BACH2: variants seen among roughly 807,000 people sequenced by gnomAD.
BACH2 encodes the protein transcription regulator protein BACH2.
In BACH2, 5 loss-of-function variants were observed where a neutral mutation model predicts 61.8. That is an observed-to-expected ratio of 0.08 (90% CI 0.04 to 0.17). The LOEUF is 0.17. Among genes scored for constraint, BACH2 ranks in the 10% least tolerant of loss-of-function variants. The pLI is 1.00. For missense variants in BACH2, 824 were observed against 1,091.1 expected (o/e 0.76, Z 3.45); for synonymous variants, 446 against 440.1 (o/e 1.01, Z -0.17).
intron 6 of BACH2, among the ~76,000 whole-genome samples, chr6:90,001,740 C>T (rs1006193743): frequency 1.3e-5 from 2 of 152,152 alleles, no homozygotes; most frequent in African/African-American, 4.8e-5. Context: ...CCTCACATTT[C>T]ATCAGCTAGA....
intron 6 of BACH2, among the ~76,000 whole-genome samples, chr6:89,983,043 C>T (rs1398036640): frequency 6.6e-6 from 1 of 152,220 alleles, no homozygotes; most frequent in Non-Finnish European, 1.5e-5. Flanking sequence ...CACCCAGTTT[C>T]ATTGGTTCCC....
intron 1 of BACH2, among the ~76,000 whole-genome samples, chr6:90,277,658 A>G (rs931752440): frequency 1.3e-5 from 2 of 152,246 alleles, no homozygotes; most frequent in Non-Finnish European, 2.9e-5. Flanking sequence ...AAAAAGAAAT[A>G]AAATTAATCA....
At chr6:90,168,145 G>T (rs1767692617) in intron 4 of BACH2, among the ~76,000 whole-genome samples, 1 of 152,164 alleles carries the variant, frequency 6.6e-6, no homozygotes, top group African/African-American at 2.4e-5. Context: ...AATCACTTGA[G>T]CCCAGGAGTT....
At chr6:90,107,175 C>A (rs1357557501) in intron 4 of BACH2, among the ~76,000 whole-genome samples, 3 of 152,072 alleles carry the variant, frequency 2.0e-5, no homozygotes, top group Non-Finnish European at 4.4e-5. Context: ...AGATCAAGAC[C>A]ATCCTGGCCA....
intron 1 of BACH2, among the ~76,000 whole-genome samples, chr6:90,275,092 A>G (rs949109302): frequency 2.6e-5 from 4 of 152,260 alleles, no homozygotes; most frequent in Admixed American, 1.3e-4. Flanking sequence ...GATTTTGTTG[A>G]TGAATGCAAT....
In BACH2 at chr6:89,959,097, G is replaced by GCACACA. The variant is rs60175244; in HGVS notation, c.244-7241_244-7236dup. 9.0e-3 allele frequency among the ~76,000 whole-genome samples: 1,207 copies of GCACACA among 134,408 alleles called. 18 individuals carry two copies. Among genetic ancestry groups the GCACACA allele is most frequent in the East Asian group, 0.032 (136 of 4,280 alleles). The allele number at this position is 134,408 out of a possible 152,430, so 88.2% of individuals were successfully genotyped here. A position where few individuals can be genotyped will look rare whatever the true frequency, so the allele number is the denominator to read the frequency against. ...GTCAATAACACATGCATGCACAAGT[G>GCACACA]CACACACACACACACACACACACAC... On this transcript the variant is annotated intron_variant, in intron 6 of 8. Coordinates refer to ENST00000257749, the MANE Select transcript of BACH2 (RefSeq NM_021813.4).
intron 5 of BACH2, among the ~76,000 whole-genome samples, chr6:90,054,930 A>C (rs1331799341): frequency 6.6e-6 from 1 of 152,246 alleles, no homozygotes; most frequent in African/African-American, 2.4e-5. Flanking sequence ...TTAGAAGGAA[A>C]ACTAACAAAC....
At chr6:90,227,532 T>C (rs1029412992) in intron 3 of BACH2, among the ~76,000 whole-genome samples, 2 of 152,232 alleles carry the variant, frequency 1.3e-5, no homozygotes, top group African/African-American at 4.8e-5. Context: ...GCCCCCTGCC[T>C]GCTCTGACCC....
rs191954997 is a variant in BACH2 at position 90,221,170 on chromosome 6, T to C, written c.-274-14489A>G. ...AAATCTTCAATCAAACAAAATCTTA[T>C]ATGAAATCCCTATAAGCAAGATAGG... On this transcript the variant is annotated intron_variant, in intron 3 of 8. Transcript: ENST00000257749. 7.6e-3 allele frequency among the ~76,000 whole-genome samples: 1,154 copies of C among 152,356 alleles called. 2 individuals are homozygous for C. The highest frequency in any genetic ancestry group is 0.013 in the Non-Finnish European group (918 of 68,034).
chr6:90,101,337 C>G (rs1782618030), intron 4 of BACH2, among the ~76,000 whole-genome samples: 1 of 152,068 alleles, frequency 6.6e-6, no homozygotes, highest in Non-Finnish European at 1.5e-5. Flanking sequence ...AAAAATGTAT[C>G]CCTATATTTT....
At chr6:90,013,568 G>A (rs1320504096) in intron 5 of BACH2, among the ~76,000 whole-genome samples, 14 of 146,258 alleles carry the variant, frequency 9.6e-5, no homozygotes, top group Non-Finnish European at 9.0e-5. Context: ...GTGCAGTGGC[G>A]CGATCTCGGC....
At chr6:90,133,296 A>T (rs1364272604) in intron 4 of BACH2, among the ~76,000 whole-genome samples, 1 of 152,180 alleles carries the variant, frequency 6.6e-6, no homozygotes, top group Non-Finnish European at 1.5e-5. Context: ...TGCAAGAGTA[A>T]ACTCAGCAGA....
At chr6:89,963,142 G>A (rs750203020) in intron 6 of BACH2, among the ~76,000 whole-genome samples, 11 of 152,062 alleles carry the variant, frequency 7.2e-5, no homozygotes, top group Admixed American at 2.0e-4. Context: ...GATGCTCAAC[G>A]TCACTAATTA....
intron 5 of BACH2, among the ~76,000 whole-genome samples, chr6:90,076,369 TCTCA>T (rs1458500022): frequency 6.6e-6 from 1 of 152,156 alleles, no homozygotes; most frequent in Non-Finnish European, 1.5e-5. Flanking sequence ...AGAAAAAGAA[TCTCA>T]CTCTGACCAA....
intron 5 of BACH2, among the ~76,000 whole-genome samples, chr6:90,086,162 T>C (rs1781924299): frequency 6.6e-6 from 1 of 152,204 alleles, no homozygotes; most frequent in Non-Finnish European, 1.5e-5. Context: ...CAGAATTTCA[T>C]CTTTTTAAAG....
rs114066799 is a variant in BACH2 at position 90,067,757 on chromosome 6, A to C, written c.-13+21204T>G. Among the ~76,000 whole-genome samples, 587 of 152,306 alleles carry C rather than the reference A, an allele frequency of 3.9e-3. 2 individuals are homozygous for C. Among genetic ancestry groups the C allele is most frequent in the African/African-American group, 0.013 (555 of 41,548 alleles). ...TCTAAATGGTGGTAATCGGCTGTGC[A>C]CAAGACATGGTTGCTTCTCCCCAGG... On this transcript the variant is annotated intron_variant, in intron 5 of 8. Transcript: ENST00000257749.
chr6:90,014,944 A>ATTTTTTT lies in BACH2; in HGVS notation c.-12-6095_-12-6089dup, dbSNP rs386407909. ...ATAGGCCGTGCCACCATGTTCAGCT[A>ATTTTTTT]TTTTTTTTTTTTTTTTGTAAGAGAT... On this transcript the variant is annotated intron_variant, in intron 5 of 8. Transcript: ENST00000257749. Among the ~76,000 whole-genome samples, 382 of 133,614 alleles carry ATTTTTTT rather than the reference A, an allele frequency of 2.9e-3. 2 individuals carry two copies. Among genetic ancestry groups the ATTTTTTT allele is most frequent in the African/African-American group, 0.01 (360 of 35,904 alleles). 87.7% of individuals were successfully genotyped at this position (133,614 alleles called of 152,430 possible). A position where few individuals can be genotyped will look rare whatever the true frequency, so the allele number is the denominator to read the frequency against.
At chr6:89,986,219 GTTT>G (rs111985387) in intron 6 of BACH2, among the ~76,000 whole-genome samples, 1 of 140,320 alleles carries the variant, frequency 7.1e-6, no homozygotes. Context: ...TAAAGTCTGA[GTTT>G]TTTTTTTTTT....
intron 5 of BACH2, among the ~76,000 whole-genome samples, chr6:90,011,930 ATATGTGTGTGTGTGTGTGTGTGTGTG>A (rs994444574): frequency 4.1e-5 from 4 of 98,678 alleles, no homozygotes; most frequent in African/African-American, 1.3e-4. Context: ...AAAAAAAAAA[ATATGTGTGTGTGTGTGTGTGTGTGTG>A]TGTGTGTGTG....
Sources: allele counts gnomAD v4.1 joint callset (sites outside exome capture counted in the v4.1 genomes callset), GRCh38; gene constraint gnomAD v4.1.1; transcripts MANE v1.5; gene names NCBI Gene and HGNC (gene_info 2026-07-23, HGNC 2026-07-21).